Variants in NPFFR2 observed in about 807,000 individuals in gnomAD.
The protein encoded by NPFFR2 is neuropeptide FF receptor 2, also known as G-protein coupled receptor 74.
A neutral mutation model predicts 13.1 loss-of-function variants in NPFFR2; 15 were observed. The ratio of observed to expected loss-of-function variants is 1.15; its 90% CI spans 0.77 to 1.76. The LOEUF is 1.76. NPFFR2 is among the 40% of genes most tolerant of loss of function. The pLI, the probability that NPFFR2 is intolerant of heterozygous loss-of-function variation, is 0.00. For missense variants in NPFFR2, 572 were observed against 503.5 expected (o/e 1.14, Z -1.30); for synonymous variants, 190 against 175.7 (o/e 1.08, Z -0.65).
At position 72,128,621 on chromosome 4, in the gene NPFFR2, A is replaced by C; in HGVS notation, c.30A>C (p.Ser10=). Residue 10 remains serine, a synonymous_variant, in exon 2 of 4, where the codon TCA becomes TCC. Transcript: ENST00000308744. MNEKWDTNS[S]ENWHPIWNVN... ...ATGAGAAATGGGACACAAACTCTTCAGAAAACTGGCATCCCATCTGGAATG... is the reference window on the plus strand; with the variant it reads ...ATGAGAAATGGGACACAAACTCTTCCGAAAACTGGCATCCCATCTGGAATG... 6.2e-7 allele frequency: 1 copy of C among 1,611,358 alleles called. No individual in the cohort carries two copies. The highest frequency in any genetic ancestry group is 8.5e-7 in the Non-Finnish European group (1 of 1,177,864).
intron 1 of NPFFR2, among the ~76,000 whole-genome samples, chr4:72,106,716 T>C (rs1307908838): frequency 6.6e-6 from 1 of 151,878 alleles, no homozygotes; most frequent in African/African-American, 2.4e-5. Flanking sequence ...GCAGAGTAAG[T>C]CAGGAAAGAG....
chr4:72,086,682 T>C (rs962200380), intron 1 of NPFFR2, among the ~76,000 whole-genome samples: 3 of 152,136 alleles, frequency 2.0e-5, no homozygotes, highest in Non-Finnish European at 4.4e-5. Context: ...CTGTTTAGTA[T>C]CCAGAATACT....
At chr4:72,078,766 A>T (rs887423158) in intron 1 of NPFFR2, among the ~76,000 whole-genome samples, 1 of 152,114 alleles carries the variant, frequency 6.6e-6, no homozygotes, top group Non-Finnish European at 1.5e-5. Context: ...CTACAAACAT[A>T]CCCAAATTTT....
chr4:72,050,763 C>G (rs1427789275), intron 1 of NPFFR2, among the ~76,000 whole-genome samples: 2 of 146,782 alleles, frequency 1.4e-5, no homozygotes, highest in Non-Finnish European at 3.0e-5. Flanking sequence ...TCCCTCCCAC[C>G]TCCCCCCACC....
At chr4:72,042,133 C>T (rs1481737628) in intron 1 of NPFFR2, among the ~76,000 whole-genome samples, 1 of 152,114 alleles carries the variant, frequency 6.6e-6, no homozygotes, top group Non-Finnish European at 1.5e-5. Flanking sequence ...CCCCATGTGT[C>T]CCTGCTGTTC....
intron 3 of NPFFR2, among the ~76,000 whole-genome samples, chr4:72,138,828 A>C (rs1190551430): frequency 6.6e-6 from 1 of 152,082 alleles, no homozygotes; most frequent in African/African-American, 2.4e-5. Flanking sequence ...GTCCTTGAGG[A>C]ATCGTCACAC....
chr4:72,142,216 G>T (rs957091791), intron 3 of NPFFR2, among the ~76,000 whole-genome samples: 1 of 152,064 alleles, frequency 6.6e-6, no homozygotes, highest in Non-Finnish European at 1.5e-5. Flanking sequence ...TATCCAATTT[G>T]CCAGTCTGTG....
intron 1 of NPFFR2, among the ~76,000 whole-genome samples, chr4:72,108,859 A>G (rs1009936933): frequency 1.3e-5 from 2 of 152,044 alleles, no homozygotes; most frequent in Non-Finnish European, 2.9e-5. Context: ...ATAAGGTCAA[A>G]TTCACTTTCT....
At chr4:72,143,082 A>G (rs1231422452) in intron 3 of NPFFR2, among the ~76,000 whole-genome samples, 1 of 152,174 alleles carries the variant, frequency 6.6e-6, no homozygotes, top group Non-Finnish European at 1.5e-5. Context: ...CCTTAGAAGA[A>G]ACTGGGAAAA....
At chr4:72,123,660 A>C (rs1213540346) in intron 1 of NPFFR2, among the ~76,000 whole-genome samples, 1 of 152,182 alleles carries the variant, frequency 6.6e-6, no homozygotes, top group Non-Finnish European at 1.5e-5. Context: ...CAATCACAAA[A>C]ACCACATGAT....
At chr4:72,065,196 A>T (rs926239991) in intron 1 of NPFFR2, among the ~76,000 whole-genome samples, 1 of 152,134 alleles carries the variant, frequency 6.6e-6, no homozygotes, top group Non-Finnish European at 1.5e-5. Flanking sequence ...ATTAAAAATT[A>T]TTTTTGAATG....
At chr4:72,103,089 T>C (rs567851046) in intron 1 of NPFFR2, among the ~76,000 whole-genome samples, 1 of 152,254 alleles carries the variant, frequency 6.6e-6, no homozygotes, top group South Asian at 2.1e-4. Flanking sequence ...TGATATCTCA[T>C]TGTGGTTTTG....
intron 1 of NPFFR2, among the ~76,000 whole-genome samples, chr4:72,060,817 G>T (rs1719899011): frequency 6.6e-6 from 1 of 152,018 alleles, no homozygotes; most frequent in Admixed American, 6.6e-5. Context: ...CTGCTGAGTT[G>T]TTCATTCTAA....
chr4:72,136,899 C>A (rs1486197884), intron 2 of NPFFR2, among the ~76,000 whole-genome samples: 1 of 152,126 alleles, frequency 6.6e-6, no homozygotes, highest in Non-Finnish European at 1.5e-5. Context: ...TAGTATCTGG[C>A]ACTTTAATTT....
chr4:72,033,915 G>A (rs761998289), intron 1 of NPFFR2, among the ~76,000 whole-genome samples: 3 of 152,156 alleles, frequency 2.0e-5, no homozygotes, highest in Non-Finnish European at 4.4e-5. Context: ...GTGTGTGTGT[G>A]TGCATGTGTG....
intron 2 of NPFFR2, among the ~76,000 whole-genome samples, chr4:72,130,900 C>G (rs538483315): frequency 6.6e-6 from 1 of 152,074 alleles, no homozygotes; most frequent in Non-Finnish European, 1.5e-5. Flanking sequence ...GTCGCATGAA[C>G]GAATTGAAGT....
Position 72,138,124 on chromosome 4 carries a change from CA to C in NPFFR2, c.415del (p.Ile139LeufsTer3). The C allele has an allele frequency of 6.2e-7, 1 of 1,612,844 alleles. No individual in the cohort carries two copies. The highest frequency in any genetic ancestry group is 8.5e-7 in the Non-Finnish European group (1 of 1,179,024). On this transcript the variant is annotated frameshift_variant, in exon 3 of 4. Transcript: ENST00000308744. LOFTEE classifies it low-confidence loss of function (END_TRUNC). ...GCAGCTTCAGTCTTTACGTTAGTTG[CA>C]ATTGCTGTAGATAGGTAAGTCTGCA... ...SVAASVFTLV[A>X]IAVDRFQCVV... is the part of the protein sequence containing the mutation.
chr4:72,097,400 T>C (rs12108502), intron 1 of NPFFR2, among the ~76,000 whole-genome samples: 4,415 of 152,200 alleles, frequency 0.029, 175 homozygotes, highest in African/African-American at 0.09. Context: ...TCTAGTTCTG[T>C]AGTGATTCTG....
intron 1 of NPFFR2, among the ~76,000 whole-genome samples, chr4:72,107,293 A>G (rs1721443982): frequency 6.6e-6 from 1 of 150,686 alleles, no homozygotes; most frequent in African/African-American, 2.4e-5. Context: ...CATAAAATTA[A>G]ATATAAGGCA....
Sources: gnomAD v4.1 joint callset for allele counts (sites outside exome capture counted in the v4.1 genomes callset) on GRCh38, gnomAD v4.1.1 for gene constraint, MANE v1.5 for transcripts, NCBI Gene and HGNC (gene_info 2026-07-23, HGNC 2026-07-21) for gene names.